MTMR9: variants seen among roughly 807,000 people sequenced by gnomAD.
MTMR9 encodes the protein myotubularin-related protein 9.
Under a neutral mutation model 69.5 loss-of-function variants are expected in MTMR9, and 39 were observed. The observed-to-expected ratio is 0.56, with a 90% CI of 0.43 to 0.73. MTMR9 has a LOEUF of 0.73. Among genes scored for constraint, MTMR9 ranks in the 30% least tolerant of loss-of-function variants. The pLI is 0.00. For synonymous variants in MTMR9, 354 were observed against 240.8 expected, an observed-to-expected ratio of 1.47 and a Z score of -4.35; for missense variants, 900 against 671.2, an observed-to-expected ratio of 1.34 and a Z score of -3.77.
chr8:11,306,282 A>G lies in MTMR9; in HGVS notation c.684A>G (p.Gly228=), dbSNP rs778539401. The G allele has an allele frequency of 1.4e-5, 23 of 1,613,968 alleles. No homozygotes were observed. The African/African-American group carries it at 1.5e-4, about 10-fold the overall frequency. Residue 228 remains glycine (G), a synonymous_variant, in exon 5 of 10, where the codon GGA becomes GGG. Coordinates refer to ENST00000221086, the MANE Select transcript of MTMR9 (RefSeq NM_015458.4). ...TGATAAATGCTACCCTCAGGGCTGGAAAGCGTGGCTACATCATTGACACCC... is the reference window on the plus strand; with the variant it reads ...TGATAAATGCTACCCTCAGGGCTGGGAAGCGTGGCTACATCATTGACACCC... ...EKLINATLRA[G]KRGYIIDTRS...
intron 2 of MTMR9, chr8:11,298,707 C>G: frequency 2.2e-6 from 2 of 896,416 alleles, no homozygotes; most frequent in Non-Finnish European, 2.6e-6. Flanking sequence ...ATATGGTATC[C>G]TTTCCCCGCT....
chr8:11,302,331 A>G (rs569035400), intron 3 of MTMR9, among the ~76,000 whole-genome samples: 1 of 151,416 alleles, frequency 6.6e-6, no homozygotes, highest in African/African-American at 2.4e-5. Flanking sequence ...ATTCAAATGC[A>G]TAATGGTTGA....
downstream of MTMR9, among the ~76,000 whole-genome samples, chr8:11,332,376 A>T (rs1279479148): frequency 2.0e-5 from 3 of 152,120 alleles, no homozygotes; most frequent in Admixed American, 2.0e-4. Context: ...GGAATCCCAG[A>T]CTTTGGACTT....
chr8:11,292,493 G>C (rs749492878), intron 1 of MTMR9, among the ~76,000 whole-genome samples: 5 of 152,134 alleles, frequency 3.3e-5, no homozygotes, highest in Non-Finnish European at 5.9e-5. Context: ...CCACATTCTT[G>C]TCAGCATTTG....
chr8:11,331,380 G>C, downstream of MTMR9: 1 of 1,613,880 alleles, frequency 6.2e-7, no homozygotes, highest in South Asian at 1.1e-5. Context: ...ACTGCGTGGC[G>C]ACCCCCTTCT....
chr8:11,318,651 T>C (rs1350106099), intron 8 of MTMR9: 2 of 152,234 alleles, frequency 1.3e-5, no homozygotes, highest in Non-Finnish European at 2.9e-5. Flanking sequence ...CGATCGACTG[T>C]TATCCTTCTC....
downstream of MTMR9, chr8:11,332,161 G>A (rs749824139): frequency 2.6e-5 from 41 of 1,605,242 alleles, no homozygotes; most frequent in Non-Finnish European, 3.3e-5. Context: ...GAGGGACAGG[G>A]ATAAATAAAG....
At chr8:11,298,611 G>T (rs4410870) in intron 2 of MTMR9, 2 of 298,096 alleles carry the variant, frequency 6.7e-6, no homozygotes, top group South Asian at 2.6e-4. Context: ...AGGGAGATAA[G>T]TGCATTCTGA....
intron 6 of MTMR9, among the ~76,000 whole-genome samples, chr8:11,309,961 C>T (rs1012229350): frequency 6.6e-6 from 1 of 151,682 alleles, no homozygotes; most frequent in Non-Finnish European, 1.5e-5. Context: ...TCTAGTACAC[C>T]CTTAAATCAT....
At chr8:11,299,002 T>G (rs1484058642) in intron 2 of MTMR9, 1 of 537,026 alleles carries the variant, frequency 1.9e-6, no homozygotes, top group Non-Finnish European at 2.4e-6. Flanking sequence ...GAAATGAACA[T>G]TGATGGAATT....
intron 1 of MTMR9, among the ~76,000 whole-genome samples, chr8:11,291,923 A>G (rs947212503): frequency 1.3e-5 from 2 of 152,104 alleles, no homozygotes; most frequent in African/African-American, 4.8e-5. Context: ...CACACTATAT[A>G]TATTTGAAGT....
intron 6 of MTMR9, among the ~76,000 whole-genome samples, chr8:11,310,820 AT>A (rs138301754): frequency 0.36 from 55,159 of 151,902 alleles, 11,284 homozygotes; most frequent in East Asian, 0.71. Flanking sequence ...ACATTTCTCA[AT>A]TTTGCAGCTG....
rs553750918 is a variant in MTMR9, at chr8:11,304,439, G to A, written c.418-402G>A. ...GATGATGTTGGCCGTGATAATTGTG[G>A]ATGTGCTTAATATATTTAACTTGGA... On this transcript the variant is annotated intron_variant, in intron 3 of 9. Transcript: ENST00000221086. Among the ~76,000 whole-genome samples the A allele has an allele frequency of 2.0e-5, 3 of 152,288 alleles. No individual in the cohort carries two copies. The East Asian group carries it at 5.8e-4, about 29-fold the overall frequency.
intron 6 of MTMR9, among the ~76,000 whole-genome samples, chr8:11,310,580 A>C (rs1293897575): frequency 1.3e-5 from 2 of 152,224 alleles, no homozygotes; most frequent in African/African-American, 4.8e-5. Context: ...TTGCCAGGCT[A>C]TCCCTGTTCT....
In MTMR9 at chr8:11,309,549, T is replaced by C; in HGVS notation, c.832T>C (p.Leu278=). ...AAGGTATCACATTCTTCAGGAGAGC[T>C]TAATCAAACTTGTGGAAGCTTGTAA... ...IERYHILQES[L]IKLVEACNDQ... Residue 278 remains leucine, a synonymous_variant, in exon 6 of 10, where the codon TTA becomes CTA. Transcript: ENST00000221086. 1 of 1,613,610 alleles carries C rather than the reference T, an allele frequency of 6.2e-7. No individual in the cohort carries two copies. The highest frequency in any genetic ancestry group is 2.2e-5 in the East Asian group (1 of 44,880).
chr8:11,301,378 A>G (rs192567900), intron 3 of MTMR9, among the ~76,000 whole-genome samples: 2 of 152,350 alleles, frequency 1.3e-5, no homozygotes, highest in East Asian at 1.9e-4. Flanking sequence ...ATTTTTGACA[A>G]AAGTACCAAT....
chr8:11,331,172 A>T, downstream of MTMR9: 1 of 1,613,356 alleles, frequency 6.2e-7, no homozygotes, highest in Non-Finnish European at 8.5e-7. Context: ...CCTCCGCTCC[A>T]CCCAGCCTCC....
the MTMR9 span, among the ~76,000 whole-genome samples, chr8:11,334,003 G>T: frequency 6.6e-6 from 1 of 152,170 alleles, no homozygotes; most frequent in East Asian, 1.9e-4. Context: ...TGATAAAAAA[G>T]ATTCTGAAAT....
Position 11,325,365 on chromosome 8 carries a change from T to G in MTMR9, c.*2577T>G, listed in dbSNP as rs1385314199. The G allele has an allele frequency of 6.6e-6, 1 of 152,222 alleles. No homozygotes were observed. The highest frequency in any genetic ancestry group is 1.9e-4 in the East Asian group (1 of 5,198). The allele number at this position is 152,222 out of a possible 1,614,324, so 9.4% of individuals were successfully genotyped here. The stretch of plus-strand genomic sequence containing the variant: ...GGATACACTCCTGAGAAGACACTCG[T>G]TAAACATTGCATCGGAGAGCTGCCT... On this transcript the variant is annotated 3_prime_UTR_variant, in exon 10 of 10. Coordinates refer to ENST00000221086, the MANE Select transcript of MTMR9 (RefSeq NM_015458.4).
Sources: allele counts gnomAD v4.1 joint callset (sites outside exome capture counted in the v4.1 genomes callset), GRCh38; gene constraint gnomAD v4.1.1; transcripts MANE v1.5; gene names NCBI Gene and HGNC (gene_info 2026-07-23, HGNC 2026-07-21).